Variants in AGBL4 observed in about 807,000 individuals in gnomAD.
AGBL4 encodes the protein AGBL carboxypeptidase 4, also known as cytosolic carboxypeptidase 6.
A neutral mutation model predicts 66.4 loss-of-function variants in AGBL4; 58 were observed. The ratio of observed to expected loss-of-function variants is 0.87; its 90% CI spans 0.71 to 1.09. The LOEUF (loss-of-function observed/expected upper bound fraction) is 1.09, where lower values mean the gene tolerates loss of function less well. Ranked by LOEUF, AGBL4 falls within the 50% of genes least tolerant of loss-of-function variation. The pLI, the probability that AGBL4 is intolerant of heterozygous loss-of-function variation, is 0.00. For synonymous variants in AGBL4, 234 were observed against 222.9 expected (o/e 1.05, Z -0.44); for missense variants, 579 against 631.0 (o/e 0.92, Z 0.88).
intron 11 of AGBL4, among the ~76,000 whole-genome samples, chr1:48,541,781 A>T (rs562673144): frequency 1.7e-4 from 26 of 152,334 alleles, no homozygotes; most frequent in Non-Finnish European, 2.8e-4. Context: ...AGAAAAAAAT[A>T]AAAAAATAAA....
intron 3 of AGBL4, among the ~76,000 whole-genome samples, chr1:49,433,193 T>C (rs1432139661): frequency 6.6e-6 from 1 of 152,152 alleles, no homozygotes; most frequent in Non-Finnish European, 1.5e-5. Flanking sequence ...TTCCCAAGTT[T>C]TGTGAGCCAC....
intron 1 of AGBL4, among the ~76,000 whole-genome samples, chr1:49,948,100 A>G (rs191429695): frequency 0.039 from 3,257 of 82,990 alleles, 144 homozygotes; most frequent in African/African-American, 0.099. Flanking sequence ...ATGTATATGT[A>G]TATATATGTA....
rs188497990 is a variant in AGBL4, at chr1:49,581,980, G to T, written c.282+115333C>A. Among the ~76,000 whole-genome samples the T allele has an allele frequency of 3.5e-3, 538 of 152,256 alleles. 4 individuals carry two copies. The highest frequency in any genetic ancestry group is 0.012 in the African/African-American group (516 of 41,546). On this transcript the variant is annotated intron_variant, in intron 3 of 13. Coordinates refer to ENST00000371839, the MANE Select transcript of AGBL4 (RefSeq NM_032785.4). ...CTGTGCTCTTGTGTTGGGAGTAGTT[G>T]CAGGGGGTTGTATGAGCTGGTCTCT... is the stretch of plus-strand genomic sequence containing the variant.
intron 5 of AGBL4, among the ~76,000 whole-genome samples, chr1:48,942,942 T>A (rs192540664): frequency 1.3e-5 from 2 of 152,362 alleles, no homozygotes; most frequent in Admixed American, 6.5e-5. Flanking sequence ...GCTATAAGTA[T>A]TCCTACTAGT....
At chr1:49,232,562 G>A (rs1029470377) in intron 4 of AGBL4, among the ~76,000 whole-genome samples, 2 of 152,030 alleles carry the variant, frequency 1.3e-5, no homozygotes, top group Admixed American at 1.3e-4. Flanking sequence ...AGCTGGGCAT[G>A]GTGGCGGATG....
chr1:48,536,335 G>A (rs1458433977), intron 12 of AGBL4, among the ~76,000 whole-genome samples: 1 of 152,120 alleles, frequency 6.6e-6, no homozygotes. Flanking sequence ...AGGGGTGGAG[G>A]GGTGGTAGAA....
intron 6 of AGBL4, among the ~76,000 whole-genome samples, chr1:48,777,633 A>C (rs1354764263): frequency 6.6e-6 from 1 of 152,062 alleles, no homozygotes; most frequent in Non-Finnish European, 1.5e-5. Context: ...TGAGATTTCC[A>C]GTTGTGCCAG....
chr1:49,623,808 T>C (rs1645412911), intron 3 of AGBL4, among the ~76,000 whole-genome samples: 1 of 152,170 alleles, frequency 6.6e-6, no homozygotes, highest in South Asian at 2.1e-4. Context: ...ACCATATCCC[T>C]TGTGCAGGGC....
intron 2 of AGBL4, chr1:49,845,178 A>T: frequency 7.0e-7 from 1 of 1,423,354 alleles, no homozygotes; most frequent in Non-Finnish European, 9.9e-7. Flanking sequence ...ACAAATGAGG[A>T]AAAGTCTTCC....
intron 2 of AGBL4, chr1:49,845,228 C>A: frequency 2.0e-6 from 3 of 1,520,930 alleles, no homozygotes; most frequent in Middle Eastern, 1.7e-4. Flanking sequence ...AGAATCCACA[C>A]TGGGGAGAAA....
rs1649097176 is a variant in AGBL4, at chr1:48,736,599, T to C, written c.635-73358A>G. 1 of 702,026 alleles carries C rather than the reference T, an allele frequency of 1.4e-6. No individual in the cohort carries two copies. The allele number at this position is 702,026 out of a possible 1,614,324, so 43.5% of individuals were successfully genotyped here. ...TAACTCTCTTTAAGGGTAATCGTAA[T>C]AGCTATCATCTACTGAATACGTGTA... is the stretch of plus-strand genomic sequence containing the variant. On this transcript the variant is annotated intron_variant, in intron 6 of 13. Transcript: ENST00000371839. The surrounding 1 kb of genome is among the most constrained non-coding windows in gnomAD (Gnocchi z 4.0).
chr1:49,611,925 T>C (rs370490325), intron 3 of AGBL4, among the ~76,000 whole-genome samples: 1 of 152,226 alleles, frequency 6.6e-6, no homozygotes, highest in Non-Finnish European at 1.5e-5. Flanking sequence ...ATCATGATCA[T>C]TTTAGCAATT....
intron 9 of AGBL4, among the ~76,000 whole-genome samples, chr1:48,629,794 A>G (rs546696012): frequency 6.6e-6 from 1 of 152,264 alleles, no homozygotes; most frequent in East Asian, 1.9e-4. Flanking sequence ...AATCTCTGTC[A>G]CCAGATCAGA....
intron 4 of AGBL4, among the ~76,000 whole-genome samples, chr1:49,108,940 A>T (rs1204540971): frequency 6.6e-6 from 1 of 152,192 alleles, no homozygotes; most frequent in Non-Finnish European, 1.5e-5. Context: ...TGTGACCTTC[A>T]GCAAGTTCCA....
rs1645625099 is a variant in AGBL4 at position 49,345,892 on chromosome 1, A to G, written c.283-100028T>C. 5.3e-5 allele frequency among the ~76,000 whole-genome samples: 8 copies of G among 152,268 alleles called. No homozygotes were observed. In the South Asian group the frequency reaches 1.7e-3, roughly 32 times the overall value. On this transcript the variant is annotated intron_variant, in intron 3 of 13. Transcript: ENST00000371839. ...CACTGGTTATTTTACCAAGGCTTTG[A>G]CTGGAATTGCTTGATTTCAAATATA...
intron 5 of AGBL4, among the ~76,000 whole-genome samples, chr1:48,958,686 C>T (rs1657703144): frequency 6.6e-6 from 1 of 152,206 alleles, no homozygotes; most frequent in Non-Finnish European, 1.5e-5. Flanking sequence ...CTGGCCAGGG[C>T]TGGCAGTGTT....
intron 3 of AGBL4, among the ~76,000 whole-genome samples, chr1:49,341,503 G>A (rs1471175640): frequency 6.6e-6 from 1 of 152,142 alleles, no homozygotes; most frequent in Non-Finnish European, 1.5e-5. Context: ...TAGGACTTCC[G>A]AACTTAGGAA....
At chr1:49,220,494 G>A (rs1485437607) in intron 4 of AGBL4, among the ~76,000 whole-genome samples, 1 of 152,120 alleles carries the variant, frequency 6.6e-6, no homozygotes, top group Non-Finnish European at 1.5e-5. Context: ...TTGATTATAA[G>A]ACATCTATGA....
At chr1:48,973,464 A>G (rs1487112977) in intron 5 of AGBL4, among the ~76,000 whole-genome samples, 3 of 152,164 alleles carry the variant, frequency 2.0e-5, no homozygotes, top group South Asian at 4.1e-4. Context: ...AGTTACTTCT[A>G]TGAACTCTAG....
Sources: gnomAD v4.1 joint callset for allele counts (sites outside exome capture counted in the v4.1 genomes callset) on GRCh38, gnomAD v4.1.1 for gene constraint, Gnocchi (gnomAD v3.1) non-coding constraint, MANE v1.5 for transcripts, NCBI Gene and HGNC (gene_info 2026-07-23, HGNC 2026-07-21) for gene names.